ZNF536: variants seen among roughly 807,000 people sequenced by gnomAD.
The protein encoded by ZNF536 is zinc finger protein 536.
ZNF536 carries 13 observed loss-of-function variants against 84.5 expected under a neutral mutation model. The observed-to-expected ratio is 0.15, with a 90% confidence interval of 0.10 to 0.24. The LOEUF is 0.24. Among genes scored for constraint, ZNF536 ranks in the 10% least tolerant of loss-of-function variants. The pLI is 1.00. For missense variants in ZNF536, 1,536 were observed against 1,747.5 expected (o/e 0.88, Z 2.16); for synonymous variants, 811 against 742.5 (o/e 1.09, Z -1.50).
intron 1 of ZNF536, among the ~76,000 whole-genome samples, chr19:30,248,464 G>A (rs1438741951): frequency 6.8e-6 from 1 of 148,076 alleles, no homozygotes; most frequent in Non-Finnish European, 1.5e-5. Flanking sequence ...GGCTCGTCTC[G>A]CACTTCTGGC....
intron 2 of ZNF536, among the ~76,000 whole-genome samples, chr19:30,502,152 AG>A (rs1419885546): frequency 6.6e-6 from 1 of 152,230 alleles, no homozygotes; most frequent in Non-Finnish European, 1.5e-5. Context: ...AAGGAACATC[AG>A]TCCTAGGTGT....
intron 1 of ZNF536, among the ~76,000 whole-genome samples, chr19:30,251,571 G>A (rs542497359): frequency 3.0e-3 from 463 of 152,224 alleles, no homozygotes; most frequent in South Asian, 6.9e-3. Flanking sequence ...TAGTAAATTC[G>A]TCTACTTCTT....
At chr19:30,486,876 G>A (rs2054321667) in intron 2 of ZNF536, among the ~76,000 whole-genome samples, 1 of 152,182 alleles carries the variant, frequency 6.6e-6, no homozygotes, top group South Asian at 2.1e-4. Flanking sequence ...CAGATAAAGG[G>A]CAAATGCTGA....
At chr19:30,414,303 A>T (rs1430108639) in intron 1 of ZNF536, among the ~76,000 whole-genome samples, 1 of 152,132 alleles carries the variant, frequency 6.6e-6, no homozygotes, top group African/African-American at 2.4e-5. Context: ...GCATATATTT[A>T]ACCTAATCCA....
chr19:30,616,084 G>T (rs2048284569), intron 1 of ZNF536, among the ~76,000 whole-genome samples: 1 of 152,068 alleles, frequency 6.6e-6, no homozygotes, highest in Non-Finnish European at 1.5e-5. Flanking sequence ...TTTTCAGCAG[G>T]TTCTCATAAG....
intron 1 of ZNF536, among the ~76,000 whole-genome samples, chr19:30,409,439 A>G (rs1353738572): frequency 6.6e-6 from 1 of 152,112 alleles, no homozygotes; most frequent in East Asian, 1.9e-4. Flanking sequence ...CTCCTTCCGA[A>G]TCCCTGGCCC....
At chr19:30,424,707 A>G (rs1054335540) in intron 1 of ZNF536, among the ~76,000 whole-genome samples, 6 of 152,212 alleles carry the variant, frequency 3.9e-5, no homozygotes, top group Non-Finnish European at 8.8e-5. Flanking sequence ...AGACTCTGGA[A>G]CATCATGCCT....
chr19:30,324,266 A>G (rs2146288808), intron 2 of ZNF536, among the ~76,000 whole-genome samples: 1 of 152,290 alleles, frequency 6.6e-6, no homozygotes, highest in African/African-American at 2.4e-5. Flanking sequence ...TCCATCATCC[A>G]TCAATCATCC....
intron 2 of ZNF536, among the ~76,000 whole-genome samples, chr19:30,291,322 T>G (rs1381145356): frequency 1.3e-5 from 2 of 152,238 alleles, no homozygotes; most frequent in Non-Finnish European, 2.9e-5. Flanking sequence ...AAAGCATTCC[T>G]ATTTCTCCAC....
At chr19:30,446,262 AAAAAAAAAAAAAG>A (rs1476526545) in intron 2 of ZNF536, among the ~76,000 whole-genome samples, 1 of 150,006 alleles carries the variant, frequency 6.7e-6, no homozygotes, top group Non-Finnish European at 1.5e-5. Context: ...AAAAAAAAAA[AAAAAAAAAAAAAG>A]AAAGAAAGAA....
intron 3 of ZNF536, among the ~76,000 whole-genome samples, chr19:30,359,160 G>T (rs375963423): frequency 3.3e-5 from 5 of 152,204 alleles, no homozygotes; most frequent in African/African-American, 1.2e-4. Flanking sequence ...TGTCTCTGTT[G>T]TTGGTAACAA....
chr19:30,371,965 G>A (rs2048626943), upstream of ZNF536, among the ~76,000 whole-genome samples: 1 of 152,130 alleles, frequency 6.6e-6, no homozygotes, highest in Non-Finnish European at 1.5e-5. Context: ...TAAGGTAAAA[G>A]AAGGGCAGTT....
In ZNF536 at chr19:30,644,661, C is replaced by T. The variant is rs149268730; in HGVS notation, c.170-66096C>T. Among the ~76,000 whole-genome samples, 1,337 of 152,256 alleles carry T rather than the reference C, an allele frequency of 8.8e-3. 13 individuals carry two copies. The highest frequency in any genetic ancestry group is 0.013 in the Non-Finnish European group (877 of 68,024). On this transcript the variant is annotated intron_variant, in intron 1 of 1. Coordinates refer to the ZNF536 transcript ENST00000592773. The stretch of plus-strand genomic sequence containing the variant: ...GATAGTTTGCTGAGAATGATGGTTT[C>T]CAGCTTCATCCATGTCCCTACAAAA...
intron 1 of ZNF536, among the ~76,000 whole-genome samples, chr19:30,245,447 C>G (rs1438774371): frequency 6.6e-6 from 1 of 152,172 alleles, no homozygotes; most frequent in Non-Finnish European, 1.5e-5. Context: ...AAATGGCAGT[C>G]CATTAATAAA....
intron 1 of ZNF536, among the ~76,000 whole-genome samples, chr19:30,396,895 G>A (rs8102641): frequency 6.6e-6 from 1 of 151,876 alleles, no homozygotes; most frequent in Non-Finnish European, 1.5e-5. Flanking sequence ...GTGAACCACC[G>A]TGCCCAGCCA....
intron 1 of ZNF536, among the ~76,000 whole-genome samples, chr19:30,627,891 A>T (rs147799391): frequency 1.3e-5 from 2 of 152,184 alleles, no homozygotes; most frequent in Admixed American, 1.3e-4. Flanking sequence ...GTAATGGCTC[A>T]GCACCAATAT....
chr19:30,579,250 A>G (rs1244086333), intron 1 of ZNF536, among the ~76,000 whole-genome samples: 1 of 152,220 alleles, frequency 6.6e-6, no homozygotes, highest in Admixed American at 6.5e-5. Flanking sequence ...CATGACAGCT[A>G]TAGCAGTTAG....
intron 3 of ZNF536, among the ~76,000 whole-genome samples, chr19:30,543,530 A>G (rs2045419478): frequency 1.3e-5 from 2 of 152,196 alleles, no homozygotes; most frequent in East Asian, 3.9e-4. Context: ...CTCTTTTGGC[A>G]TGGATCTGGC....
chr19:30,307,873 G>T (rs1345114668), intron 2 of ZNF536, among the ~76,000 whole-genome samples: 1 of 152,150 alleles, frequency 6.6e-6, no homozygotes, highest in East Asian at 1.9e-4. Flanking sequence ...GCGTAACTTG[G>T]CCTCTCTTTG....
Sources: gnomAD v4.1 joint callset for allele counts (sites outside exome capture counted in the v4.1 genomes callset) on GRCh38, gnomAD v4.1.1 for gene constraint, MANE v1.5 for transcripts, NCBI Gene and HGNC (gene_info 2026-07-23, HGNC 2026-07-21) for gene names.